AKAP13: variants seen among roughly 807,000 people sequenced by gnomAD.
AKAP13 encodes A-kinase anchoring protein 13.
AKAP13 carries 80 observed loss-of-function variants against 264.5 expected under a neutral mutation model. The observed-to-expected ratio is 0.30, with a 90% CI of 0.25 to 0.36. The LOEUF (loss-of-function observed/expected upper bound fraction) is 0.36. Among genes scored for constraint, AKAP13 ranks in the 10% least tolerant of loss-of-function variants. The pLI, the probability that AKAP13 is intolerant of heterozygous loss-of-function variation, is 1.00. For missense variants in AKAP13, 3,712 were observed against 3,435.2 expected (o/e 1.08, Z -2.01); for synonymous variants, 1,380 against 1,250.2 (o/e 1.10, Z -2.19).
At chr15:85,739,733 G>A (rs984577063) in intron 33 of AKAP13, among the ~76,000 whole-genome samples, 1 of 151,680 alleles carries the variant, frequency 6.6e-6, no homozygotes, top group Admixed American at 6.6e-5. Flanking sequence ...CATAAATATG[G>A]TTTATTTTTT....
chr15:85,652,414 A>T (rs1211463757), intron 10 of AKAP13, among the ~76,000 whole-genome samples: 1 of 152,242 alleles, frequency 6.6e-6, no homozygotes, highest in East Asian at 1.9e-4. Context: ...TAAGAAGGCT[A>T]TATGGTAAAT....
intron 1 of AKAP13, among the ~76,000 whole-genome samples, chr15:85,463,023 C>CAAAAAA (rs35565608): frequency 4.6e-4 from 30 of 65,120 alleles, no homozygotes; most frequent in Admixed American, 1.0e-3. Context: ...GACTCCGTCT[C>CAAAAAA]AAAAAAAAAA....
intron 5 of AKAP13, among the ~76,000 whole-genome samples, chr15:85,558,438 T>G (rs2078229428): frequency 6.6e-6 from 1 of 152,208 alleles, no homozygotes. Context: ...CTTATTGGAC[T>G]TGTTGAGTAT....
rs2079106979 is a variant in AKAP13, at chr15:85,579,015, A to T, written c.947A>T (p.Gln316Leu). 1 of 1,613,974 alleles carries T rather than the reference A, an allele frequency of 6.2e-7. No individual in the cohort carries two copies. The highest frequency in any genetic ancestry group is 1.3e-5 in the African/African-American group (1 of 74,892). The change falls in exon 7 of 37, where the codon CAG becomes CTG. Residue 316 changes from glutamine to leucine, a missense_variant. Physicochemically the swap from Gln to Leu is moderately radical, Grantham distance 113. This residue lies in a region of AKAP13 where 2,759 missense variants were observed against 2,411.7 expected (regional missense o/e 1.14). Coordinates refer to ENST00000394518, the MANE Select transcript of AKAP13 (RefSeq NM_007200.5). ...DPSSAPETDG[Q>L]FLPCAPEPTD... ...TCCAGTGCCCCAGAGACAGATGGCC[A>T]GTTTCTTCCCTGTGCACCGGAGCCC... is the stretch of plus-strand genomic sequence containing the variant.
Position 85,705,688 on chromosome 15 carries a change from C to T in AKAP13, c.5465-2331C>T, listed in dbSNP as rs115864625. 3.9e-3 allele frequency among the ~76,000 whole-genome samples: 590 copies of T among 152,082 alleles called. 4 individuals are homozygous for T. The highest frequency in any genetic ancestry group is 0.014 in the African/African-American group (562 of 41,444). Reference sequence around the variant, plus strand: ...CATAGGTAATTTATCACATATGTGTCCATGATTCAGAATGAACACATAGTA... The same window carrying T: ...CATAGGTAATTTATCACATATGTGTTCATGATTCAGAATGAACACATAGTA... On this transcript the variant is annotated intron_variant, in intron 17 of 36. Transcript: ENST00000394518.
At chr15:85,540,261 G>A (rs1436561524) in intron 4 of AKAP13, among the ~76,000 whole-genome samples, 1 of 152,124 alleles carries the variant, frequency 6.6e-6, no homozygotes, top group Admixed American at 6.5e-5. Context: ...CTCCACAGGT[G>A]GAATGGAATC....
intron 1 of AKAP13, among the ~76,000 whole-genome samples, chr15:85,395,929 C>T (rs2071087069): frequency 6.6e-6 from 1 of 151,904 alleles, no homozygotes; most frequent in African/African-American, 2.4e-5. Flanking sequence ...TTGTTTATTG[C>T]TGTATCCCCA....
chr15:85,746,406 T>A lies in AKAP13; in HGVS notation c.*1729T>A, dbSNP rs531486514. The stretch of plus-strand genomic sequence containing the variant: ...GGCAGCCAGCACTGTTCACTCTGTG[T>A]CTTTTGAAGTGCCTTGAAGGCCCAG... On this transcript the variant is annotated 3_prime_UTR_variant, in exon 37 of 37. Coordinates refer to ENST00000394518, the MANE Select transcript of AKAP13 (RefSeq NM_007200.5). 6.6e-6 allele frequency: 1 copy of A among 152,246 alleles called. No homozygotes were observed. 9.4% of individuals were successfully genotyped at this position (152,246 alleles called of 1,614,324 possible).
At chr15:85,545,176 C>T (rs2077695589) in intron 5 of AKAP13, among the ~76,000 whole-genome samples, 1 of 152,198 alleles carries the variant, frequency 6.6e-6, no homozygotes, top group African/African-American at 2.4e-5. Flanking sequence ...ACATTCTACT[C>T]CTTCACACTT....
rs545835692 is a variant in AKAP13 at position 85,705,727 on chromosome 15, C to T, written c.5465-2292C>T. Among the ~76,000 whole-genome samples the T allele has an allele frequency of 6.6e-5, 10 of 152,274 alleles. No individual in the cohort carries two copies. The South Asian group carries it at 1.7e-3, about 25-fold the overall frequency. ...GAACACATAGTAACATTCTGTCAGA[C>T]GGCTTCAGATTGTTTCACTTTTTAA... is the stretch of plus-strand genomic sequence containing the variant. On this transcript the variant is annotated intron_variant, in intron 17 of 36. Coordinates refer to ENST00000394518, the MANE Select transcript of AKAP13 (RefSeq NM_007200.5).
Position 85,579,309 on chromosome 15 carries a change from G to A in AKAP13, c.1241G>A (p.Gly414Asp), listed in dbSNP as rs992078704. The change falls in exon 7 of 37, where the codon GGC becomes GAC. Residue 414 changes from glycine to aspartate, a missense_variant. This residue lies in a region of AKAP13 where 2,759 missense variants were observed against 2,411.7 expected (regional missense o/e 1.14). Transcript: ENST00000394518. ...LPDCGVKGTE[G>D]LSSCGNRNEE... is the part of the protein sequence containing the mutation. ...GATTGTGGAGTAAAGGGCACGGAAG[G>A]CCTTTCGTCCTGTGGAAACAGAAAT... 4 of 1,614,102 alleles carry A rather than the reference G, an allele frequency of 2.5e-6. No homozygotes were observed. The highest frequency in any genetic ancestry group is 2.7e-5 in the African/African-American group (2 of 74,942).
At chr15:85,410,949 C>T (rs963553079) in intron 1 of AKAP13, among the ~76,000 whole-genome samples, 1 of 148,588 alleles carries the variant, frequency 6.7e-6, no homozygotes, top group African/African-American at 2.6e-5. Flanking sequence ...ATGACTTGTA[C>T]TCTATACAGG....
intron 5 of AKAP13, among the ~76,000 whole-genome samples, chr15:85,564,661 C>T (rs2078538735): frequency 6.6e-6 from 1 of 152,150 alleles, no homozygotes; most frequent in East Asian, 1.9e-4. Flanking sequence ...CCATTACTGC[C>T]ACTACATTGG....
At chr15:85,461,246 G>T (rs566126110) in intron 1 of AKAP13, among the ~76,000 whole-genome samples, 1 of 152,196 alleles carries the variant, frequency 6.6e-6, no homozygotes, top group Admixed American at 6.5e-5. Flanking sequence ...CTCCCAAGTA[G>T]CTGGGATTAC....
chr15:85,395,601 T>C (rs1222830859), intron 1 of AKAP13, among the ~76,000 whole-genome samples: 1 of 152,204 alleles, frequency 6.6e-6, no homozygotes, highest in Non-Finnish European at 1.5e-5. Flanking sequence ...ATTTATCTTT[T>C]TGAAAAGGGA....
chr15:85,513,154 G>C (rs772179222), intron 2 of AKAP13, among the ~76,000 whole-genome samples: 1 of 152,124 alleles, frequency 6.6e-6, no homozygotes, highest in Non-Finnish European at 1.5e-5. Context: ...AACGTCTGTG[G>C]TGTTGTATTA....
At chr15:85,387,363 C>T (rs896876273) in intron 1 of AKAP13, among the ~76,000 whole-genome samples, 5 of 152,054 alleles carry the variant, frequency 3.3e-5, no homozygotes, top group African/African-American at 1.2e-4. Context: ...TAGGGTCTCA[C>T]TCAGTTGTCC....
rs144753928 is a variant in AKAP13, at chr15:85,579,042, C to T, written c.974C>T (p.Thr325Met). 10 of 1,614,158 alleles carry T rather than the reference C, an allele frequency of 6.2e-6. No homozygotes were observed. Among genetic ancestry groups the T allele is most frequent in the South Asian group, 1.1e-5 (1 of 91,078 alleles). The change falls in exon 7 of 37, where the codon ACG becomes ATG. Residue 325 changes from threonine (T) to methionine (M), a missense_variant. Thr to Met is a moderately conservative substitution (Grantham distance 81). Transcript: ENST00000394518. ...GQFLPCAPEP[T>M]DPQRLSSSEE... The stretch of plus-strand genomic sequence containing the variant: ...TTTCTTCCCTGTGCACCGGAGCCCA[C>T]GGACCCTCAGCGACTTTCTTCTTCT...
chr15:85,388,379 G>A (rs1260079506), intron 1 of AKAP13, among the ~76,000 whole-genome samples: 2 of 152,026 alleles, frequency 1.3e-5, no homozygotes, highest in Non-Finnish European at 2.9e-5. Flanking sequence ...AACTATCTAG[G>A]ACCCTCAGTG....
Sources: gnomAD v4.1 joint callset for allele counts (sites outside exome capture counted in the v4.1 genomes callset) on GRCh38, gnomAD v4.1.1 for gene constraint, gnomAD v4.1.1 regional missense constraint, MANE v1.5 for transcripts, NCBI Gene and HGNC (gene_info 2026-07-23, HGNC 2026-07-21) for gene names.